COL27A1: variants seen among roughly 807,000 people sequenced by gnomAD.
COL27A1 encodes collagen type XXVII alpha 1 chain.
A neutral mutation model predicts 251.3 loss-of-function variants in COL27A1; 106 were observed. The observed-to-expected ratio is 0.42, with a 90% CI of 0.36 to 0.50. The LOEUF is 0.50. Ranked by LOEUF, COL27A1 falls within the 20% of genes least tolerant of loss-of-function variation. COL27A1 has a pLI of 0.00. For missense variants in COL27A1, 2,325 were observed against 2,522.8 expected (o/e 0.92, Z 1.68); for synonymous variants, 1,000 against 986.3 (o/e 1.01, Z -0.26).
At chr9:114,218,056 G>C (rs1048097888) in intron 12 of COL27A1, 1 of 350,878 alleles carries the variant, frequency 2.8e-6, no homozygotes, top group Non-Finnish European at 5.6e-6. Context: ...GCAGTGAGCA[G>C]TTATCACACC....
At chr9:114,299,060 C>T (rs1828438777) in intron 49 of COL27A1, among the ~76,000 whole-genome samples, 1 of 152,058 alleles carries the variant, frequency 6.6e-6, no homozygotes, top group Non-Finnish European at 1.5e-5. Context: ...ACCAATAGCT[C>T]AATAAAGCTA....
intron 41 of COL27A1, among the ~76,000 whole-genome samples, chr9:114,287,729 G>A (rs1288733973): frequency 6.6e-6 from 1 of 152,116 alleles, no homozygotes; most frequent in Admixed American, 6.5e-5. Context: ...CAGCCCCCAT[G>A]CTGACTGGCT....
intron 1 of COL27A1, among the ~76,000 whole-genome samples, chr9:114,160,871 G>C (rs1295743825): frequency 6.6e-6 from 1 of 152,184 alleles, no homozygotes; most frequent in African/African-American, 2.4e-5. Flanking sequence ...ACCAGGCAAA[G>C]GAGTAGTGTC....
intron 1 of COL27A1, 149 bp from the exon 2 acceptor site, chr9:114,162,566 G>T: frequency 1.6e-6 from 1 of 631,936 alleles, no homozygotes; most frequent in Middle Eastern, 4.4e-4. Flanking sequence ...GCTCTGATGG[G>T]GTCCTAGAGC....
At chr9:114,222,665 G>A (rs1344157928) in intron 14 of COL27A1, among the ~76,000 whole-genome samples, 21 of 152,170 alleles carry the variant, frequency 1.4e-4, no homozygotes, top group Non-Finnish European at 1.5e-4. Flanking sequence ...CACAAGCGAG[G>A]TGTTCCAGGT....
chr9:114,156,235 C>A (rs1451713079), intron 1 of COL27A1, among the ~76,000 whole-genome samples: 1 of 143,176 alleles, frequency 7.0e-6, no homozygotes, highest in Admixed American at 7.5e-5. Flanking sequence ...CCCGGCTGCC[C>A]GATCCCGTTG....
rs138921385 is a variant in COL27A1 at position 114,226,906 on chromosome 9, G to A, written c.2467-4173G>A. ...CACGCAGAAAGGATGGTCAGTGTCA[G>A]AAGGGCCCTGAGCGAGAGGCATGGG... On this transcript the variant is annotated intron_variant, in intron 14 of 60. Transcript: ENST00000356083. Among the ~76,000 whole-genome samples the A allele has an allele frequency of 9.1e-3, 1,389 of 152,300 alleles. 7 individuals carry two copies. Among genetic ancestry groups the A allele is most frequent in the South Asian group, 0.031 (151 of 4,814 alleles).
chr9:114,295,025 G>A (rs1828166265), intron 49 of COL27A1, among the ~76,000 whole-genome samples: 1 of 152,194 alleles, frequency 6.6e-6, no homozygotes, highest in African/African-American at 2.4e-5. Flanking sequence ...AATTGTGATT[G>A]TATATACTAG....
chr9:114,301,550 G>A (rs1828638531), intron 54 of COL27A1, 88 bp downstream of exon 54: 4 of 1,549,500 alleles, frequency 2.6e-6, no homozygotes, highest in Admixed American at 1.9e-5. Context: ...TCTCCCTCCG[G>A]ACCTCCGTCA....
intron 6 of COL27A1, 120 bp from the exon 7 acceptor site, chr9:114,195,839 C>T: frequency 1.2e-6 from 1 of 837,256 alleles, no homozygotes; most frequent in Admixed American, 1.8e-5. Context: ...GCCTCTACTT[C>T]TCTATGAATC....
intron 7 of COL27A1, among the ~76,000 whole-genome samples, chr9:114,202,185 T>G (rs1829626107): frequency 6.6e-6 from 1 of 152,244 alleles, no homozygotes; most frequent in Non-Finnish European, 1.5e-5. Context: ...AATCTTCTCC[T>G]GGGATTTCAC....
intron 6 of COL27A1, among the ~76,000 whole-genome samples, 176 bp downstream of exon 6, chr9:114,194,633 C>T (rs1464300237): frequency 1.3e-5 from 2 of 152,212 alleles, no homozygotes; most frequent in African/African-American, 2.4e-5. Flanking sequence ...TTTAGCCTTT[C>T]CCAACACCAA....
chr9:114,207,669 C>T (rs1359566108), intron 10 of COL27A1, among the ~76,000 whole-genome samples: 1 of 152,208 alleles, frequency 6.6e-6, no homozygotes, highest in Non-Finnish European at 1.5e-5. Flanking sequence ...TCAAGCTGCC[C>T]TTCCAACCCT....
rs1182875546 is a variant in COL27A1 at position 114,175,466 on chromosome 9, G to A, written c.1909-2825G>A. On this transcript the variant is annotated intron_variant, in intron 3 of 60. Coordinates refer to ENST00000356083, the MANE Select transcript of COL27A1 (RefSeq NM_032888.4). ...GCTCGCCACGAGCAAAGTGGGCACT[G>A]AGTAGGGGAGGGTCCAGCCCGTGGC... Among the ~76,000 whole-genome samples the A allele has an allele frequency of 2.6e-5, 4 of 152,372 alleles. No individual in the cohort carries two copies. In the South Asian group the frequency reaches 6.2e-4, roughly 24 times the overall value.
At chr9:114,201,370 C>T (rs1366957446) in intron 7 of COL27A1, among the ~76,000 whole-genome samples, 1 of 152,190 alleles carries the variant, frequency 6.6e-6, no homozygotes, top group East Asian at 1.9e-4. Flanking sequence ...GGTCTGGGGC[C>T]CTGTCATTTG....
intron 3 of COL27A1, among the ~76,000 whole-genome samples, chr9:114,176,714 T>G (rs537039276): frequency 6.6e-6 from 1 of 152,150 alleles, no homozygotes; most frequent in Non-Finnish European, 1.5e-5. Flanking sequence ...GCCAGAGGTC[T>G]CTGGATGCTC....
intron 27 of COL27A1, among the ~76,000 whole-genome samples, chr9:114,255,293 C>T (rs1360966302): frequency 1.3e-5 from 2 of 152,136 alleles, no homozygotes; most frequent in Non-Finnish European, 2.9e-5. Flanking sequence ...TGCAAGGGCC[C>T]GGCCTCCCTC....
At chr9:114,283,653 G>C in intron 39 of COL27A1, 56 bp from the exon 40 acceptor site, 1 of 1,536,332 alleles carries the variant, frequency 6.5e-7, no homozygotes. Flanking sequence ...GGAGACTGCT[G>C]TGTCCCCGCT....
At chr9:114,191,437 C>G (rs1219872812) in intron 5 of COL27A1, among the ~76,000 whole-genome samples, 1 of 152,124 alleles carries the variant, frequency 6.6e-6, no homozygotes, top group South Asian at 2.1e-4. Context: ...CTGCCACCGA[C>G]AGGCCCCAGT....
Sources: allele counts gnomAD v4.1 joint callset (sites outside exome capture counted in the v4.1 genomes callset), GRCh38; gene constraint gnomAD v4.1.1; transcripts MANE v1.5; gene names NCBI Gene and HGNC (gene_info 2026-07-23, HGNC 2026-07-21).